The following SP140 variants were observed in gnomAD, a reference collection of about 807,000 sequenced individuals.
The protein encoded by SP140 is nuclear body protein SP140.
A neutral mutation model predicts 125.0 loss-of-function variants in SP140; 81 were observed. The ratio of observed to expected loss-of-function variants is 0.65; its 90% confidence interval spans 0.54 to 0.78. The LOEUF is 0.78. Among genes scored for constraint, SP140 ranks in the 30% least tolerant of loss-of-function variants. The pLI, the probability that SP140 is intolerant of heterozygous loss-of-function variation, is 0.00. For missense variants in SP140, 858 were observed against 1,037.0 expected, an observed-to-expected ratio of 0.83 and a Z score of 2.37; for synonymous variants, 312 against 354.0, an observed-to-expected ratio of 0.88 and a Z score of 1.33.
chr2:230,216,677 G>T, intron 3 of SP140: 3 of 1,390,324 alleles, frequency 2.2e-6, no homozygotes, highest in Non-Finnish European at 3.1e-6. Flanking sequence ...CCTGGGCTGG[G>T]CCTTCCAAAC....
chr2:230,212,641 G>T, intron 1 of SP140: 2 of 1,353,482 alleles, frequency 1.5e-6, no homozygotes, highest in Non-Finnish European at 1.1e-6. Flanking sequence ...TTGTGTTTGG[G>T]TAGATGGGTG....
intron 2 of SP140, 73 bp from the exon 3 acceptor site, chr2:230,238,140 C>A: frequency 2.9e-6 from 3 of 1,036,434 alleles, no homozygotes; most frequent in Non-Finnish European, 2.8e-6. Context: ...AACAGATGTT[C>A]TATCTACAAC....
intron 21 of SP140, among the ~76,000 whole-genome samples, chr2:230,296,636 G>A (rs866342651): frequency 2.2e-4 from 34 of 152,330 alleles, no homozygotes; most frequent in Non-Finnish European, 1.8e-4. Flanking sequence ...TAGGGGAGCT[G>A]CAGAAAGCAG....
chr2:230,309,865 G>C lies in SP140; in HGVS notation c.2059-59G>C, dbSNP rs2059167664. The C allele has an allele frequency of 3.2e-6, 5 of 1,581,462 alleles. No homozygotes were observed. The South Asian group carries it at 5.5e-5, about 18-fold the overall frequency. ...AGGCAGTGTGTTCTAGTTGCCCAGA[G>C]GGTTGGCCTTCCTGAATCTTGCGGT... On this transcript the variant is annotated intron_variant, in intron 22 of 26. Transcript: ENST00000392045.
At chr2:230,265,449 C>A (rs770894124) in intron 12 of SP140, among the ~76,000 whole-genome samples, 2 of 152,204 alleles carry the variant, frequency 1.3e-5, no homozygotes, top group Non-Finnish European at 2.9e-5. Flanking sequence ...TGCGCCCTCA[C>A]AAGAGTTCTG....
At chr2:230,221,922 T>G, upstream of SP140, 1 of 614,298 alleles carries the variant, frequency 1.6e-6, no homozygotes, top group African/African-American at 1.8e-5. Context: ...GAAAGATGTT[T>G]ATTCTAAGCC....
Position 230,284,350 on chromosome 2 carries a change from A to G in SP140, c.1503A>G (p.Lys501=). 1.2e-6 allele frequency: 2 copies of G among 1,605,126 alleles called. No homozygotes were observed. The highest frequency in any genetic ancestry group is 1.7e-6 in the Non-Finnish European group (2 of 1,176,260). ...TLGKPKRKRR[K]KRGHGWSRMR... ...TTTATTCTCTTTGGTTTGAAGGAAA[A>G]AAGAGGGGGCATGGCTGGAGCAGAA... Residue 501 remains lysine, a synonymous_variant, in exon 16 of 27, where the codon AAA becomes AAG. Transcript: ENST00000392045.
intron 22 of SP140, among the ~76,000 whole-genome samples, chr2:230,304,822 G>T (rs1273954366): frequency 6.6e-6 from 1 of 152,162 alleles, no homozygotes; most frequent in East Asian, 1.9e-4. Context: ...AATAACATTG[G>T]AAAAACTCTT....
At chr2:230,239,655 G>T (rs2048443858) in intron 3 of SP140, among the ~76,000 whole-genome samples, 1 of 152,154 alleles carries the variant, frequency 6.6e-6, no homozygotes, top group Non-Finnish European at 1.5e-5. Context: ...CGCCATGTTG[G>T]CAAGGCTGGT....
chr2:230,202,874 C>T (rs73000371), upstream of SP140: 95,293 of 765,050 alleles, frequency 0.12, 7,330 homozygotes, highest in South Asian at 0.26. Context: ...TCTCCTCCTA[C>T]TTCTCTATAA....
chr2:230,269,880 C>T lies in SP140; in HGVS notation c.1371C>T (p.Val457=). 6.2e-7 allele frequency: 1 copy of T among 1,614,012 alleles called. No homozygotes were observed. Among genetic ancestry groups the T allele is most frequent in the Non-Finnish European group, 8.5e-7 (1 of 1,179,952 alleles). The change falls in exon 14 of 27, where the codon GTC becomes GTT. Residue 457 remains valine (V), a synonymous_variant. Transcript: ENST00000392045. ...SAYENEKCSC[V]MCFSEEVPGS... ...ATGAAAATGAGAAGTGTTCCTGTGT[C>T]ATGTGTTTCTCAGAAGAGGTGCCAG...
chr2:230,295,990 G>A (rs1022935667), intron 21 of SP140, among the ~76,000 whole-genome samples: 1 of 151,948 alleles, frequency 6.6e-6, no homozygotes, highest in African/African-American at 2.4e-5. Context: ...TATAATGCCA[G>A]CATTTTGAGA....
At chr2:230,214,101 G>A (rs2044817744) in intron 3 of SP140, 2 of 152,240 alleles carry the variant, frequency 1.3e-5, no homozygotes, top group Admixed American at 1.3e-4. Context: ...TTTGGCCACA[G>A]TGTTTTACTT....
intron 1 of SP140, among the ~76,000 whole-genome samples, chr2:230,229,114 C>T (rs1376125269): frequency 6.6e-6 from 1 of 151,948 alleles, no homozygotes; most frequent in Non-Finnish European, 1.5e-5. Flanking sequence ...GAATCATGCC[C>T]ATTTTAAATT....
At chr2:230,190,329 T>G in the SP140 span, among the ~76,000 whole-genome samples, 2 of 134,758 alleles carry the variant, frequency 1.5e-5, no homozygotes, top group East Asian at 4.6e-4. Flanking sequence ...TTTCCATATG[T>G]TTGTTGGCTA....
At chr2:230,205,703 T>C (rs918007512) in intron 1 of SP140, among the ~76,000 whole-genome samples, 1 of 152,228 alleles carries the variant, frequency 6.6e-6, no homozygotes, top group Non-Finnish European at 1.5e-5. Flanking sequence ...GACTAGGTTT[T>C]TGGTAAAGAA....
At position 230,245,038 on chromosome 2, in the gene SP140, G is replaced by A; in HGVS notation, c.622G>A (p.Gly208Arg). The change falls in exon 6 of 27, where the codon GGA becomes AGA. Residue 208 changes from glycine (G) to arginine (R), a missense_variant. Coordinates refer to ENST00000392045, the MANE Select transcript of SP140 (RefSeq NM_007237.5). Reference sequence around the variant, plus strand: ...GTTAGCTCTCCCAAAGGCTGGTGGAGGAGATGCTGAAGATGCACCCAGCCT... The same window carrying A: ...GTTAGCTCTCCCAAAGGCTGGTGGAAGAGATGCTGAAGATGCACCCAGCCT... Reference protein sequence around the residue: ...EQLALPKAGGGDAEDAPSLLP... With the variant: ...EQLALPKAGGRDAEDAPSLLP... 2 of 1,613,320 alleles carry A rather than the reference G, an allele frequency of 1.2e-6. No homozygotes were observed. The highest frequency in any genetic ancestry group is 1.7e-6 in the Non-Finnish European group (2 of 1,179,438).
At chr2:230,228,006 T>C (rs769943894) in intron 1 of SP140, among the ~76,000 whole-genome samples, 3 of 152,162 alleles carry the variant, frequency 2.0e-5, no homozygotes, top group Non-Finnish European at 4.4e-5. Context: ...CTTAGATTAT[T>C]GACTTAGATC....
intron 12 of SP140, among the ~76,000 whole-genome samples, chr2:230,257,283 A>G (rs1408329069): frequency 6.6e-6 from 1 of 152,056 alleles, no homozygotes; most frequent in Non-Finnish European, 1.5e-5. Flanking sequence ...ACGATACGAG[A>G]TAGGAGATAT....
Sources: gnomAD v4.1 joint callset for allele counts (sites outside exome capture counted in the v4.1 genomes callset) on GRCh38, gnomAD v4.1.1 for gene constraint, MANE v1.5 for transcripts, NCBI Gene and HGNC (gene_info 2026-07-23, HGNC 2026-07-21) for gene names.